PAH: variants seen among roughly 807,000 people sequenced by gnomAD.
PAH encodes the protein phenylalanine-4-hydroxylase.
In PAH, 64 loss-of-function variants were observed where a neutral mutation model predicts 62.0. That is an observed-to-expected ratio of 1.03 (90% confidence interval 0.84 to 1.27). PAH has a LOEUF of 1.27. PAH is among the 50% of genes most tolerant of loss of function. The pLI is 0.00. For synonymous variants in PAH, 195 were observed against 196.2 expected (o/e 0.99, Z 0.05); for missense variants, 579 against 542.8 (o/e 1.07, Z -0.66).
chr12:102,839,728 A>G (rs1874504695), intron 12 of PAH, among the ~76,000 whole-genome samples: 1 of 152,260 alleles, frequency 6.6e-6, no homozygotes, highest in Non-Finnish European at 1.5e-5. Flanking sequence ...GTCTAAGCAG[A>G]TAACTCAGTC....
At chr12:102,902,850 A>G (rs1381689147) in intron 2 of PAH, among the ~76,000 whole-genome samples, 1 of 151,620 alleles carries the variant, frequency 6.6e-6, no homozygotes, top group African/African-American at 2.4e-5. Flanking sequence ...TTCTTTGGAC[A>G]TTTTTTCTTT....
At chr12:102,936,566 A>C (rs998234790) in intron 1 of PAH, among the ~76,000 whole-genome samples, 17 of 152,160 alleles carry the variant, frequency 1.1e-4, no homozygotes, top group African/African-American at 4.1e-4. Flanking sequence ...GTACTCCATC[A>C]TTGGATGCAT....
chr12:102,945,525 C>A (rs1034104957), intron 1 of PAH, among the ~76,000 whole-genome samples: 1 of 152,178 alleles, frequency 6.6e-6, no homozygotes, highest in Non-Finnish European at 1.5e-5. Flanking sequence ...CAGAGTTCTT[C>A]CCATTCTTCC....
intron 3 of PAH, among the ~76,000 whole-genome samples, chr12:102,893,876 A>G (rs149175027): frequency 2.2e-3 from 339 of 152,360 alleles, no homozygotes; most frequent in Non-Finnish European, 4.1e-3. Context: ...GCACCTGTGT[A>G]CCAAGCAGTG....
intron 1 of PAH, chr12:102,923,537 A>G (rs1246419372): frequency 1.3e-5 from 2 of 152,210 alleles, no homozygotes; most frequent in Non-Finnish European, 2.9e-5. Context: ...TTAGGTACCC[A>G]GGCATGTGGC....
chr12:102,857,172 G>A (rs866290996), intron 5 of PAH, among the ~76,000 whole-genome samples: 24 of 152,178 alleles, frequency 1.6e-4, no homozygotes, highest in South Asian at 1.0e-3. Context: ...CGAGAACTAC[G>A]TGACAAATGC....
chr12:102,840,713 G>A (rs1270228599), intron 11 of PAH, among the ~76,000 whole-genome samples, 198 bp from the exon 12 acceptor site: 1 of 152,158 alleles, frequency 6.6e-6, no homozygotes, highest in Non-Finnish European at 1.5e-5. Flanking sequence ...GTGTGTATGT[G>A]TATGTACAAA....
intron 1 of PAH, chr12:102,923,600 AG>A (rs1385051110): frequency 6.6e-6 from 1 of 152,144 alleles, no homozygotes; most frequent in African/African-American, 2.4e-5. Flanking sequence ...ACCATTCTAG[AG>A]GGGGAAAAAC....
At chr12:102,933,376 G>C (rs919200511) in intron 1 of PAH, among the ~76,000 whole-genome samples, 1 of 151,904 alleles carries the variant, frequency 6.6e-6, no homozygotes, top group Admixed American at 6.6e-5. Flanking sequence ...CTATTCATTT[G>C]TTAATAGGCA....
chr12:102,850,334 T>A (rs1875089233), intron 8 of PAH, among the ~76,000 whole-genome samples: 1 of 152,246 alleles, frequency 6.6e-6, no homozygotes, highest in African/African-American at 2.4e-5. Context: ...AGGCTGCATC[T>A]TACAAGTACA....
At position 102,873,706 on chromosome 12, in the gene PAH, C is replaced by T. The variant is rs187763486; in HGVS notation, c.441+3756G>A. Among the ~76,000 whole-genome samples, 252 of 152,296 alleles carry T rather than the reference C, an allele frequency of 1.7e-3. 2 individuals are homozygous for T. The highest frequency in any genetic ancestry group is 5.7e-3 in the African/African-American group (236 of 41,556). ...AATTATATACTAGTTATTATCCCAA[C>T]TGTATTCCATGGAAAACTACCACTC... On this transcript the variant is annotated intron_variant, in intron 4 of 12. Coordinates refer to ENST00000553106, the MANE Select transcript of PAH (RefSeq NM_000277.3).
At chr12:102,935,325 A>G (rs1260925949) in intron 1 of PAH, among the ~76,000 whole-genome samples, 1 of 152,082 alleles carries the variant, frequency 6.6e-6, no homozygotes, top group Non-Finnish European at 1.5e-5. Flanking sequence ...TTTTGCATCA[A>G]TGTTCTTTAG....
At chr12:102,849,773 TACA>T (rs1875066768) in intron 8 of PAH, among the ~76,000 whole-genome samples, 1 of 152,168 alleles carries the variant, frequency 6.6e-6, no homozygotes, top group Admixed American at 6.5e-5. Flanking sequence ...AGAGTTTGCC[TACA>T]ACAAGGGGGG....
At chr12:102,902,732 G>A (rs889116843) in intron 2 of PAH, among the ~76,000 whole-genome samples, 5 of 152,206 alleles carry the variant, frequency 3.3e-5, no homozygotes, top group African/African-American at 9.6e-5. Flanking sequence ...CTAGTCTGGA[G>A]GAGGAGATCT....
intron 2 of PAH, among the ~76,000 whole-genome samples, chr12:102,912,239 T>C (rs896078278): frequency 6.6e-6 from 1 of 152,216 alleles, no homozygotes; most frequent in Non-Finnish European, 1.5e-5. Context: ...ACCACTTTAA[T>C]CATAAGACAT....
At position 102,837,608 on chromosome 12, in the gene PAH, G is replaced by T. The variant is rs374837392; in HGVS notation, c.*1567C>A. 2.2e-4 allele frequency: 34 copies of T among 152,124 alleles called. No homozygotes were observed. The highest frequency in any genetic ancestry group is 8.0e-4 in the African/African-American group (33 of 41,418). The allele number at this position is 152,124 out of a possible 1,614,324, so 9.4% of individuals were successfully genotyped here. A position where few individuals can be genotyped will look rare whatever the true frequency, so the allele number is the denominator to read the frequency against. On this transcript the variant is annotated 3_prime_UTR_variant, in exon 13 of 13. Transcript: ENST00000553106. Reference sequence around the variant, plus strand: ...CTTTCCTCCCAGCTGGCATATATAAGCAGGTATTGTAACACCCCATCAGTG... The same window carrying T: ...CTTTCCTCCCAGCTGGCATATATAATCAGGTATTGTAACACCCCATCAGTG...
intron 4 of PAH, among the ~76,000 whole-genome samples, chr12:102,873,448 T>C (rs902253639): frequency 3.9e-5 from 6 of 152,194 alleles, no homozygotes; most frequent in African/African-American, 1.4e-4. Flanking sequence ...TGTGGAGCAG[T>C]TTCCTTACTG....
At chr12:102,843,152 C>G (rs1462448930) in intron 11 of PAH, among the ~76,000 whole-genome samples, 1 of 152,190 alleles carries the variant, frequency 6.6e-6, no homozygotes, top group Non-Finnish European at 1.5e-5. Flanking sequence ...TTTCTACCCT[C>G]ATGGAGCTTA....
At chr12:102,958,157 C>T in intron 1 of PAH, 1 of 1,046,096 alleles carries the variant, frequency 9.6e-7, no homozygotes, top group Non-Finnish European at 1.3e-6. Flanking sequence ...TGTTCCTGCA[C>T]CCAAGTTCTC....
Sources: gnomAD v4.1 joint callset for allele counts (sites outside exome capture counted in the v4.1 genomes callset) on GRCh38, gnomAD v4.1.1 for gene constraint, MANE v1.5 for transcripts, NCBI Gene and HGNC (gene_info 2026-07-23, HGNC 2026-07-21) for gene names.